Variants in CD82 observed in about 807,000 individuals in gnomAD.
The protein encoded by CD82 is CD82 molecule, also known as CD82 antigen.
In CD82, 36 loss-of-function variants were observed where a neutral mutation model predicts 37.4. The ratio of observed to expected loss-of-function variants is 0.96; its 90% CI spans 0.74 to 1.27. CD82 has a LOEUF of 1.27. Ranked by LOEUF, CD82 falls within the 50% of genes most tolerant of loss-of-function variation. The probability of loss-of-function intolerance (pLI) is 0.00; values close to 1 mark genes in which losing one functional copy is unlikely to be tolerated. For missense variants in CD82, 340 were observed against 347.0 expected (o/e 0.98, Z 0.16); for synonymous variants, 158 against 137.4 (o/e 1.15, Z -1.05).
At chr11:44,600,374 C>T in intron 4 of CD82, 144 bp downstream of exon 4, 1 of 710,200 alleles carries the variant, frequency 1.4e-6, no homozygotes. Context: ...GGTCCTGCTG[C>T]CCACCACTGC....
At chr11:44,610,339 T>C (rs78471704) in intron 6 of CD82, among the ~76,000 whole-genome samples, 159 of 152,310 alleles carry the variant, frequency 1.0e-3, no homozygotes, top group African/African-American at 3.6e-3. Flanking sequence ...TAGAAGTCAT[T>C]TGAGCAGAAC....
At chr11:44,599,003 C>T (rs1398787778) in intron 3 of CD82, among the ~76,000 whole-genome samples, 1 of 152,256 alleles carries the variant, frequency 6.6e-6, no homozygotes, top group African/African-American at 2.4e-5. Flanking sequence ...AGATGGCAGG[C>T]ACTTCCCCAG....
chr11:44,588,585 T>C (rs1853095491), intron 2 of CD82, among the ~76,000 whole-genome samples: 1 of 152,190 alleles, frequency 6.6e-6, no homozygotes, highest in South Asian at 2.1e-4. Context: ...AGAGGTTAAG[T>C]CACTTGTCCA....
chr11:44,576,086 C>T (rs1223486533), intron 1 of CD82, among the ~76,000 whole-genome samples: 2 of 152,200 alleles, frequency 1.3e-5, no homozygotes, highest in African/African-American at 4.8e-5. Flanking sequence ...TTCTTATCCC[C>T]TGACTGACAC....
rs1853640380 is a variant in CD82 at position 44,619,964 on chromosome 11, T to A, written c.*838T>A. 6.7e-6 allele frequency: 1 copy of A among 149,626 alleles called. No individual in the cohort carries two copies. 9.3% of individuals were successfully genotyped at this position (149,626 alleles called of 1,614,324 possible). ...CCTGATATTAAGGGGTGGCACCCCT[T>A]CCCCAGGCCTGATGCAGGTCCATCT... is the stretch of plus-strand genomic sequence containing the variant. On this transcript the variant is annotated 3_prime_UTR_variant, in exon 10 of 10. Transcript: ENST00000227155.
In CD82 at chr11:44,619,320, G is replaced by C; in HGVS notation, c.*194G>C. 3.4e-6 allele frequency: 2 copies of C among 586,740 alleles called. No individual in the cohort carries two copies. Among genetic ancestry groups the C allele is most frequent in the Non-Finnish European group, 6.1e-6 (2 of 327,564 alleles). The allele number at this position is 586,740 out of a possible 1,614,324, so 36.3% of individuals were successfully genotyped here. On this transcript the variant is annotated 3_prime_UTR_variant, in exon 10 of 10. Coordinates refer to ENST00000227155, the MANE Select transcript of CD82 (RefSeq NM_002231.4). ...CCGCTGCCAGCCTTGAGCCCTGGCTGTTCTGTGGTTCCTCTGCTCACCGCC... is the reference window on the plus strand; with the variant it reads ...CCGCTGCCAGCCTTGAGCCCTGGCTCTTCTGTGGTTCCTCTGCTCACCGCC...
At chr11:44,611,307 A>G (rs1853477452) in intron 6 of CD82, among the ~76,000 whole-genome samples, 1 of 151,990 alleles carries the variant, frequency 6.6e-6, no homozygotes, top group African/African-American at 2.4e-5. Flanking sequence ...TGCTGTCCCT[A>G]TTCACCCTTC....
chr11:44,605,466 A>G, intron 6 of CD82, 37 bp downstream of exon 6: 3 of 1,584,900 alleles, frequency 1.9e-6, no homozygotes, highest in Non-Finnish European at 2.6e-6. Flanking sequence ...ACTGGGCTGG[A>G]CCAACCATGG....
intron 1 of CD82, among the ~76,000 whole-genome samples, chr11:44,586,545 C>G (rs1043653576): frequency 1.3e-5 from 2 of 152,154 alleles, no homozygotes; most frequent in African/African-American, 2.4e-5. Flanking sequence ...GGTCCCAACT[C>G]TATGGGAGGC....
rs1193184261 is a variant in CD82 at position 44,605,129 on chromosome 11, G to A, written c.208G>A (p.Gly70Ser). 2 of 1,614,078 alleles carry A rather than the reference G, an allele frequency of 1.2e-6. No individual in the cohort carries two copies. Among genetic ancestry groups the A allele is most frequent in the African/African-American group, 1.3e-5 (1 of 74,928 alleles). Residue 70 changes from glycine to serine, a missense_variant, in exon 5 of 10, where the codon GGC becomes AGC. By Grantham distance (56) the Gly-to-Ser change is moderately conservative. Transcript: ENST00000227155. ...IGVGAVTMLM[G>S]FLGCIGAVNE... is the part of the protein sequence containing the mutation. ...CGTGGGGGCAGTCACTATGCTCATG[G>A]GCTTCCTGGGCTGCATCGGCGCCGT...
intron 2 of CD82, among the ~76,000 whole-genome samples, chr11:44,592,915 G>A (rs1190235848): frequency 6.6e-6 from 1 of 152,202 alleles, no homozygotes; most frequent in Non-Finnish European, 1.5e-5. Flanking sequence ...CTTGTGATGG[G>A]AAGCTCACTA....
rs56665683 is a variant in CD82 at position 44,590,610 on chromosome 11, C to CAAAA, written c.-21+3071_-21+3074dup. Among the ~76,000 whole-genome samples, 25 of 33,454 alleles carry CAAAA rather than the reference C, an allele frequency of 7.5e-4. 6 individuals are homozygous for CAAAA. The highest frequency in any genetic ancestry group is 1.6e-3 in the African/African-American group (15 of 9,586). The allele number at this position is 33,454 out of a possible 152,430, so 21.9% of individuals were successfully genotyped here. A position where few individuals can be genotyped will look rare whatever the true frequency, so the allele number is the denominator to read the frequency against. ...TGGGCAACAGAGGGAGATTCTGTCT[C>CAAAA]AAAAAAAAAAAAAAAAAAAAGATGA... On this transcript the variant is annotated intron_variant, in intron 2 of 9. Coordinates refer to ENST00000227155, the MANE Select transcript of CD82 (RefSeq NM_002231.4).
Position 44,619,659 on chromosome 11 carries a change from G to A in CD82, c.*533G>A, listed in dbSNP as rs1001011132. The A allele has an allele frequency of 6.6e-6, 1 of 152,368 alleles. No individual in the cohort carries two copies. Among genetic ancestry groups the A allele is most frequent in the African/African-American group, 2.4e-5 (1 of 41,286 alleles). The allele number at this position is 152,368 out of a possible 1,614,324, so 9.4% of individuals were successfully genotyped here. A position where few individuals can be genotyped will look rare whatever the true frequency, so the allele number is the denominator to read the frequency against. ...GGGCACCTGTAGTCCCAGCTACTTG[G>A]GAGGCTGAGGCAGGAGAATGGTGTG... On this transcript the variant is annotated 3_prime_UTR_variant, in exon 10 of 10. Transcript: ENST00000227155.
At chr11:44,598,599 G>C (rs1285611926) in intron 3 of CD82, among the ~76,000 whole-genome samples, 1 of 151,752 alleles carries the variant, frequency 6.6e-6, no homozygotes, top group Non-Finnish European at 1.5e-5. Flanking sequence ...TAGTGCAGAC[G>C]GGGTTTTGCC....
Position 44,619,231 on chromosome 11 carries a change from C to T in CD82, c.*105C>T. The stretch of plus-strand genomic sequence containing the variant: ...CTGCCTCCCACTTCACTGCGAAGAC[C>T]CTCTTGCCCATCCTGACTGAAAGTA... On this transcript the variant is annotated 3_prime_UTR_variant, in exon 10 of 10. Coordinates refer to ENST00000227155, the MANE Select transcript of CD82 (RefSeq NM_002231.4). 1 of 905,376 alleles carries T rather than the reference C, an allele frequency of 1.1e-6. No individual in the cohort carries two copies. Among genetic ancestry groups the T allele is most frequent in the South Asian group, 1.3e-5 (1 of 75,024 alleles). 56.1% of individuals were successfully genotyped at this position (905,376 alleles called of 1,614,324 possible).
chr11:44,564,934 A>T (rs1472593545), upstream of CD82, among the ~76,000 whole-genome samples: 2 of 152,252 alleles, frequency 1.3e-5, no homozygotes, highest in Non-Finnish European at 1.5e-5. Flanking sequence ...GTGGGAATTC[A>T]AGGGCTAGAA....
chr11:44,587,464 G>A lies in CD82; in HGVS notation c.-102-11G>A, dbSNP rs751265570. Reference sequence around the variant, plus strand: ...AGACAGGAGTGACGAGATCTGGGTCGTGTTTTTCAGAGTCCTCCCTGCTGC... The same window carrying A: ...AGACAGGAGTGACGAGATCTGGGTCATGTTTTTCAGAGTCCTCCCTGCTGC... On this transcript the variant is annotated splice_polypyrimidine_tract_variant and intron_variant, in intron 1 of 9. Coordinates refer to ENST00000227155, the MANE Select transcript of CD82 (RefSeq NM_002231.4). 7.7e-5 allele frequency: 35 copies of A among 456,194 alleles called. No homozygotes were observed. Among genetic ancestry groups the A allele is most frequent in the African/African-American group, 1.4e-4 (7 of 50,088 alleles). The allele number at this position is 456,194 out of a possible 1,614,324, so 28.3% of individuals were successfully genotyped here. A position where few individuals can be genotyped will look rare whatever the true frequency, so the allele number is the denominator to read the frequency against.
chr11:44,612,794 C>A (rs1853504668), intron 6 of CD82, among the ~76,000 whole-genome samples: 1 of 151,750 alleles, frequency 6.6e-6, no homozygotes, highest in Admixed American at 6.6e-5. Flanking sequence ...CATTCACACC[C>A]AGCTAATTTT....
At position 44,600,202 on chromosome 11, in the gene CD82, CG is replaced by C; in HGVS notation, c.109del (p.Asp37ThrfsTer58). On this transcript the variant is annotated frameshift_variant, in exon 4 of 10. Transcript: ENST00000227155. LOFTEE classifies it high-confidence loss of function. ...ILGFGVWILADKSSFISVLQT... is the reference protein window; with the variant it reads ...ILGFGVWILAXKSSFISVLQT... The stretch of plus-strand genomic sequence containing the variant: ...TGGGCTTCGGGGTGTGGATCCTGGC[CG>C]ACAAGAGCAGTTTCATCTCTGTCCT... 1 of 1,613,952 alleles carries C rather than the reference CG, an allele frequency of 6.2e-7. No homozygotes were observed. Among genetic ancestry groups the C allele is most frequent in the Non-Finnish European group, 8.5e-7 (1 of 1,179,976 alleles).
Sources: allele counts gnomAD v4.1 joint callset (sites outside exome capture counted in the v4.1 genomes callset), GRCh38; gene constraint gnomAD v4.1.1; transcripts MANE v1.5; gene names NCBI Gene and HGNC (gene_info 2026-07-23, HGNC 2026-07-21).